Variants in MAST4 observed in about 807,000 individuals in gnomAD.
MAST4 encodes microtubule-associated serine/threonine-protein kinase 4.
A neutral mutation model predicts 162.7 loss-of-function variants in MAST4; 89 were observed. The ratio of observed to expected loss-of-function variants is 0.55; its 90% CI spans 0.46 to 0.65. The LOEUF (loss-of-function observed/expected upper bound fraction) is 0.65, where lower values mean the gene tolerates loss of function less well. Ranked by LOEUF, MAST4 falls within the 30% of genes least tolerant of loss-of-function variation. MAST4 has a pLI of 0.00. For synonymous variants in MAST4, 1,479 were observed against 1,361.1 expected (o/e 1.09, Z -1.91); for missense variants, 3,153 against 3,374.0 (o/e 0.93, Z 1.62).
chr5:67,038,030 C>T (rs1023131636), intron 4 of MAST4, among the ~76,000 whole-genome samples: 2 of 152,076 alleles, frequency 1.3e-5, no homozygotes, highest in African/African-American at 2.4e-5. Context: ...AGACCTCTTG[C>T]ATCCACCTTT....
intron 1 of MAST4, among the ~76,000 whole-genome samples, chr5:66,632,969 CATTA>C (rs936204077): frequency 2.0e-5 from 3 of 151,882 alleles, no homozygotes; most frequent in Non-Finnish European, 2.9e-5. Flanking sequence ...AATTTTTTTT[CATTA>C]ATTAACCAGT....
intron 15 of MAST4, 48 bp downstream of exon 15, chr5:67,130,466 C>T (rs770161188): frequency 8.8e-6 from 14 of 1,584,864 alleles, no homozygotes; most frequent in Admixed American, 5.1e-5. Flanking sequence ...ATCCCTTGCT[C>T]ATTTGTGTTG....
At chr5:66,973,007 A>G (rs1370592799) in intron 4 of MAST4, among the ~76,000 whole-genome samples, 4 of 152,140 alleles carry the variant, frequency 2.6e-5, no homozygotes, top group Non-Finnish European at 5.9e-5. Flanking sequence ...TTGTACGACC[A>G]TGTTCATCTT....
chr5:66,938,157 C>T (rs1742964399), intron 4 of MAST4, among the ~76,000 whole-genome samples: 1 of 152,070 alleles, frequency 6.6e-6, no homozygotes, highest in African/African-American at 2.4e-5. Context: ...TTAGAACTGT[C>T]ATATTGCCTA....
intron 14 of MAST4, among the ~76,000 whole-genome samples, chr5:67,123,264 G>A (rs1767796478): frequency 6.6e-6 from 1 of 152,182 alleles, no homozygotes; most frequent in South Asian, 2.1e-4. Context: ...TCATTAGGAA[G>A]GGCTTCTATC....
intron 4 of MAST4, among the ~76,000 whole-genome samples, chr5:66,921,475 G>A (rs568039796): frequency 3.3e-5 from 5 of 152,164 alleles, no homozygotes; most frequent in African/African-American, 9.6e-5. Context: ...TTAAAACTGC[G>A]GCCAGGCATG....
chr5:66,698,169 G>C (rs1039805239), intron 1 of MAST4, among the ~76,000 whole-genome samples: 4 of 151,832 alleles, frequency 2.6e-5, no homozygotes, highest in Non-Finnish European at 5.9e-5. Context: ...TCACCTGATG[G>C]ACTGGGCTTA....
At chr5:66,706,164 T>C (rs1357910587) in intron 1 of MAST4, among the ~76,000 whole-genome samples, 1 of 152,166 alleles carries the variant, frequency 6.6e-6, no homozygotes, top group Non-Finnish European at 1.5e-5. Context: ...GTTAAGTTGA[T>C]CCAGGGATAT....
At chr5:66,673,280 A>G (rs923059396) in intron 1 of MAST4, among the ~76,000 whole-genome samples, 5 of 152,138 alleles carry the variant, frequency 3.3e-5, no homozygotes, top group Non-Finnish European at 2.9e-5. Context: ...TTCTTTAGAT[A>G]GAAATTCTAA....
In MAST4 at chr5:67,048,985, A is replaced by ATATG. The variant is rs1554087335; in HGVS notation, c.675-5418_675-5417insATGT. ...ATACATATAGCATATATATATATAT[A>ATATG]TGTATATATATATATACACACACAT... is the stretch of plus-strand genomic sequence containing the variant. On this transcript the variant is annotated intron_variant, in intron 4 of 28. Coordinates refer to ENST00000403625, the MANE Select transcript of MAST4 (RefSeq NM_001164664.2). Among the ~76,000 whole-genome samples, 5 of 106,944 alleles carry ATATG rather than the reference A, an allele frequency of 4.7e-5. No individual in the cohort carries two copies. In the South Asian group the frequency reaches 8.6e-4, roughly 18 times the overall value. 70.2% of individuals were successfully genotyped at this position (106,944 alleles called of 152,430 possible).
chr5:66,947,286 CT>C lies in MAST4; in HGVS notation c.674+47305del, dbSNP rs540465431. 4.0e-3 allele frequency among the ~76,000 whole-genome samples: 612 copies of C among 152,210 alleles called. 5 individuals are homozygous for C. Among genetic ancestry groups the C allele is most frequent in the Middle Eastern group, 0.017 (5 of 294 alleles). On this transcript the variant is annotated intron_variant, in intron 4 of 28. Transcript: ENST00000403625. ...TAGGGTTTGGACCAGACCTGAGTTGCTGCCTGATCCTGACATGTCAAGGAAC... is the reference window on the plus strand; with the variant it reads ...TAGGGTTTGGACCAGACCTGAGTTGCGCCTGATCCTGACATGTCAAGGAAC...
chr5:67,104,424 A>G lies in MAST4; in HGVS notation c.1205A>G (p.Asn402Ser). ...KEIITSYSPDNVLPLADGVLS... is the reference protein window; with the variant it reads ...KEIITSYSPDSVLPLADGVLS... ...ATTATCACCAGCTACTCTCCTGACA[A>G]CGTTCTACCCTTAGCAGATGGAGTG... The change falls in exon 10 of 29, where the codon AAC becomes AGC. Residue 402 changes from asparagine (N) to serine (S), a missense_variant. By Grantham distance (46) the Asn-to-Ser change is conservative. Transcript: ENST00000403625. 2 of 1,613,912 alleles carry G rather than the reference A, an allele frequency of 1.2e-6. No homozygotes were observed. Among genetic ancestry groups the G allele is most frequent in the South Asian group, 1.1e-5 (1 of 91,082 alleles).
intron 8 of MAST4, among the ~76,000 whole-genome samples, chr5:67,100,944 TAGG>T (rs1764955748): frequency 6.6e-6 from 1 of 152,330 alleles, no homozygotes; most frequent in South Asian, 2.1e-4. Flanking sequence ...ACAACAAGAA[TAGG>T]AGGATTTTTT....
intron 1 of MAST4, among the ~76,000 whole-genome samples, chr5:66,611,613 G>A (rs1579985099): frequency 1.3e-5 from 2 of 152,206 alleles, no homozygotes; most frequent in Admixed American, 1.3e-4. Context: ...GTGTTTAAAA[G>A]GAAGGTGAAA....
chr5:67,102,416 A>G, intron 8 of MAST4, 120 bp from the exon 9 acceptor site: 1 of 865,918 alleles, frequency 1.2e-6, no homozygotes, highest in East Asian at 2.5e-5. Flanking sequence ...TTATTATCTG[A>G]TATACTTTTC....
chr5:66,980,992 A>G (rs1267346523), intron 4 of MAST4, among the ~76,000 whole-genome samples: 1 of 152,050 alleles, frequency 6.6e-6, no homozygotes, highest in East Asian at 1.9e-4. Flanking sequence ...TTTTTTTCTC[A>G]TGAAAGAATA....
chr5:66,788,235 G>A (rs1419018234), intron 2 of MAST4, among the ~76,000 whole-genome samples: 1 of 152,142 alleles, frequency 6.6e-6, no homozygotes, highest in East Asian at 1.9e-4. Flanking sequence ...GTTTCCTTTT[G>A]TTGGTCATGA....
intron 4 of MAST4, among the ~76,000 whole-genome samples, chr5:66,981,325 A>G (rs980751760): frequency 1.3e-5 from 2 of 152,238 alleles, no homozygotes; most frequent in Admixed American, 6.5e-5. Flanking sequence ...AAGACATTGG[A>G]CTATGCAGTC....
At chr5:66,889,729 T>C (rs1284021692) in intron 3 of MAST4, among the ~76,000 whole-genome samples, 2 of 152,186 alleles carry the variant, frequency 1.3e-5, no homozygotes, top group African/African-American at 4.8e-5. Flanking sequence ...TAAATAGTCA[T>C]AGCTAACACG....
Sources: gnomAD v4.1 joint callset for allele counts (sites outside exome capture counted in the v4.1 genomes callset) on GRCh38, gnomAD v4.1.1 for gene constraint, MANE v1.5 for transcripts, NCBI Gene and HGNC (gene_info 2026-07-23, HGNC 2026-07-21) for gene names.